CFTR: variants seen among roughly 807,000 people sequenced by gnomAD.
The protein encoded by CFTR is CF transmembrane conductance regulator, also known as cystic fibrosis transmembrane conductance regulator.
CFTR carries 181 observed loss-of-function variants against 171.6 expected under a neutral mutation model. The ratio of observed to expected loss-of-function variants is 1.05; its 90% CI spans 0.93 to 1.19. The LOEUF (loss-of-function observed/expected upper bound fraction) is 1.19. Among genes scored for constraint, CFTR ranks in the 50% most tolerant of loss-of-function variants. The pLI, the probability that CFTR is intolerant of heterozygous loss-of-function variation, is 0.00. For missense variants in CFTR, 1,968 were observed against 1,734.7 expected (o/e 1.13, Z -2.39); for synonymous variants, 583 against 608.0 (o/e 0.96, Z 0.60).
intron 9 of CFTR, among the ~76,000 whole-genome samples, chr7:117,545,728 G>A (rs558864408): frequency 6.6e-6 from 1 of 152,004 alleles, no homozygotes. Flanking sequence ...AACTAGCTAG[G>A]GCAGAGCTAA....
At position 117,592,459 on chromosome 7, in the gene CFTR, A is replaced by G; in HGVS notation, c.2292A>G (p.Arg764=). Residue 764 remains arginine (R), a synonymous_variant, in exon 14 of 27, where the codon CGA becomes CGG. Coordinates refer to ENST00000003084, the MANE Select transcript of CFTR (RefSeq NM_000492.4). ...GCACTGGCCCCACGCTTCAGGCACG[A>G]AGGAGGCAGTCTGTCCTGAACCTGA... is the stretch of plus-strand genomic sequence containing the variant. ...VISTGPTLQA[R]RRQSVLNLMT... is the part of the protein sequence containing the mutation. 1.3e-6 allele frequency: 2 copies of G among 1,586,800 alleles called. No individual in the cohort carries two copies. The highest frequency in any genetic ancestry group is 1.7e-6 in the Non-Finnish European group (2 of 1,167,104).
chr7:117,637,256 A>G (rs1792840894), intron 22 of CFTR, among the ~76,000 whole-genome samples: 1 of 148,678 alleles, frequency 6.7e-6, no homozygotes, highest in Admixed American at 6.6e-5. Context: ...AAGCCTTGTA[A>G]TTTTTTATTG....
At chr7:117,639,254 T>G (rs1435958085) in intron 22 of CFTR, among the ~76,000 whole-genome samples, 1 of 152,216 alleles carries the variant, frequency 6.6e-6, no homozygotes, top group Non-Finnish European at 1.5e-5. Flanking sequence ...TTATTTTCAA[T>G]GCATGAAAAA....
At chr7:117,658,024 A>G (rs963989607) in intron 24 of CFTR, among the ~76,000 whole-genome samples, 1 of 152,178 alleles carries the variant, frequency 6.6e-6, no homozygotes, top group African/African-American at 2.4e-5. Flanking sequence ...TCCTGGGTCC[A>G]CACCTTTACC....
In CFTR at chr7:117,642,549, A is replaced by G. The variant is rs1349344071; in HGVS notation, c.3829A>G (p.Ile1277Val). The G allele has an allele frequency of 7.4e-6, 12 of 1,613,494 alleles. No homozygotes were observed. The highest frequency in any genetic ancestry group is 4.5e-5 in the East Asian group (2 of 44,808). Residue 1277 changes from isoleucine (I) to valine (V), a missense_variant, in exon 23 of 27, where the codon ATA becomes GTA. Physicochemically the swap from Ile to Val is conservative, Grantham distance 29. Transcript: ENST00000003084. ...GATCGATGGTGTGTCTTGGGATTCAATAACTTTGCAACAGTGGAGGAAAGC... is the reference window on the plus strand; with the variant it reads ...GATCGATGGTGTGTCTTGGGATTCAGTAACTTTGCAACAGTGGAGGAAAGC... ...IQIDGVSWDS[I>V]TLQQWRKAFG...
intron 4 of CFTR, 53 bp from the exon 5 acceptor site, chr7:117,534,218 TTATAA>T (rs1474483999): frequency 2.2e-5 from 17 of 788,510 alleles, no homozygotes; most frequent in Admixed American, 1.4e-4. Context: ...ATAATTTTAC[TTATAA>T]TATATTTGTA....
chr7:117,666,443 T>A (rs956348456), intron 26 of CFTR, among the ~76,000 whole-genome samples: 1 of 152,240 alleles, frequency 6.6e-6, no homozygotes, highest in East Asian at 1.9e-4. Context: ...AGTTCAAGAA[T>A]CTAAGTAAAG....
rs551539520 is a variant in CFTR, at chr7:117,569,383, C to G, written c.1584+9728C>G. On this transcript the variant is annotated intron_variant, in intron 11 of 26. Coordinates refer to ENST00000003084, the MANE Select transcript of CFTR (RefSeq NM_000492.4). ...GCTTTGGAGAGGCCAAGTAAGATTCCTAAGTACCCATTGGATCAAGGTCCT... is the reference window on the plus strand; with the variant it reads ...GCTTTGGAGAGGCCAAGTAAGATTCGTAAGTACCCATTGGATCAAGGTCCT... 4.6e-5 allele frequency among the ~76,000 whole-genome samples: 7 copies of G among 152,174 alleles called. No homozygotes were observed. In the South Asian group the frequency reaches 1.5e-3, roughly 32 times the overall value.
intron 9 of CFTR, among the ~76,000 whole-genome samples, chr7:117,547,871 C>T (rs1458055141): frequency 1.3e-5 from 2 of 152,126 alleles, no homozygotes; most frequent in African/African-American, 2.4e-5. Context: ...ATGATAGGTT[C>T]TCAGGCAGGT....
chr7:117,538,545 G>T (rs1393816652), intron 7 of CFTR, among the ~76,000 whole-genome samples: 1 of 151,918 alleles, frequency 6.6e-6, no homozygotes, highest in South Asian at 2.1e-4. Context: ...TTTATAAAAA[G>T]TGTTTCCTAT....
chr7:117,601,970 CAAT>C (rs141024584), intron 15 of CFTR, among the ~76,000 whole-genome samples: 24,469 of 152,122 alleles, frequency 0.16, 2,273 homozygotes, highest in Non-Finnish European at 0.2. Flanking sequence ...GTCCTAGTAC[CAAT>C]AATATGTTTT....
chr7:117,511,832 T>C (rs1191237900), intron 3 of CFTR, among the ~76,000 whole-genome samples: 1 of 152,218 alleles, frequency 6.6e-6, no homozygotes, highest in Non-Finnish European at 1.5e-5. Flanking sequence ...CTTGATTTCA[T>C]TCTTTTTGTC....
At chr7:117,621,490 G>T (rs1349488421) in intron 21 of CFTR, among the ~76,000 whole-genome samples, 1 of 152,128 alleles carries the variant, frequency 6.6e-6, no homozygotes, top group African/African-American at 2.4e-5. Flanking sequence ...TAGTTTTGCT[G>T]ACTCCTGGTC....
intron 3 of CFTR, among the ~76,000 whole-genome samples, chr7:117,518,058 G>C (rs999790261): frequency 8.0e-6 from 1 of 125,708 alleles, no homozygotes; most frequent in Non-Finnish European, 1.9e-5. Context: ...TTATAGAGTT[G>C]TTGTGAGAAT....
intron 3 of CFTR, among the ~76,000 whole-genome samples, chr7:117,518,365 T>C (rs1798630688): frequency 6.8e-6 from 1 of 147,012 alleles, no homozygotes. Flanking sequence ...ATATTTATTC[T>C]AAATAAATAT....
intron 23 of CFTR, among the ~76,000 whole-genome samples, chr7:117,648,506 G>A (rs1196979659): frequency 6.6e-6 from 1 of 151,942 alleles, no homozygotes; most frequent in Non-Finnish European, 1.5e-5. Context: ...TGACATATAT[G>A]GCATTAAATA....
chr7:117,536,535 G>T lies in CFTR; in HGVS notation c.744-13G>T. ...TATTAGATTGATTGATTGATTGATTGATTGATTTACAGAGATCAGAGAGCT... is the reference window on the plus strand; with the variant it reads ...TATTAGATTGATTGATTGATTGATTTATTGATTTACAGAGATCAGAGAGCT... On this transcript the variant is annotated splice_polypyrimidine_tract_variant and intron_variant, in intron 6 of 26. Transcript: ENST00000003084. 1 of 1,569,652 alleles carries T rather than the reference G, an allele frequency of 6.4e-7. No homozygotes were observed. Among genetic ancestry groups the T allele is most frequent in the South Asian group, 1.1e-5 (1 of 87,036 alleles).
In CFTR at chr7:117,610,533, G is replaced by T. The variant is rs1377312539; in HGVS notation, c.3003G>T (p.Val1001=). 2.5e-6 allele frequency: 4 copies of T among 1,612,846 alleles called. No homozygotes were observed. The highest frequency in any genetic ancestry group is 3.4e-6 in the Non-Finnish European group (4 of 1,179,410). The change falls in exon 19 of 27, where the codon GTG becomes GTT. Residue 1001 remains valine (V), a synonymous_variant. Transcript: ENST00000003084. ...TGATCTTACAGTTGTTATTAATTGTGATTGGAGCTATAGCAGTTGTCGCAG... is the reference window on the plus strand; with the variant it reads ...TGATCTTACAGTTGTTATTAATTGTTATTGGAGCTATAGCAGTTGTCGCAG... The part of the protein sequence containing the change: ...IFDFIQLLLI[V]IGAIAVVAVL...
At chr7:117,548,541 C>A in intron 9 of CFTR, 100 bp from the exon 10 acceptor site, 2 of 1,544,534 alleles carry the variant, frequency 1.3e-6, no homozygotes, top group Non-Finnish European at 1.7e-6. Flanking sequence ...ATGTGCTTTT[C>A]AAACTAATTG....
Sources: allele counts gnomAD v4.1 joint callset (sites outside exome capture counted in the v4.1 genomes callset), GRCh38; gene constraint gnomAD v4.1.1; transcripts MANE v1.5; gene names NCBI Gene and HGNC (gene_info 2026-07-23, HGNC 2026-07-21).